The following APOOL variants were observed in gnomAD, a reference collection of about 807,000 sequenced individuals.
The protein encoded by APOOL is apolipoprotein O like.
In APOOL, 12 loss-of-function variants were observed where a neutral mutation model predicts 23.1. The observed-to-expected ratio is 0.52, with a 90% CI of 0.33 to 0.84. The LOEUF (loss-of-function observed/expected upper bound fraction) is 0.84, where lower values mean the gene tolerates loss of function less well. APOOL is among the 40% of genes least tolerant of loss of function. The pLI is 0.02. For synonymous variants in APOOL, 77 were observed against 69.9 expected, an observed-to-expected ratio of 1.10 and a Z score of -0.51; for missense variants, 212 against 199.6, an observed-to-expected ratio of 1.06 and a Z score of -0.37.
intron 8 of APOOL, among the ~76,000 whole-genome samples, chrX:85,078,863 G>T (rs1401123974): frequency 5.4e-5 from 6 of 111,311 alleles, no homozygotes; most frequent in Non-Finnish European, 1.1e-4. Flanking sequence ...TTGTGAATGG[G>T]AATTCACTCA....
intron 1 of APOOL, among the ~76,000 whole-genome samples, chrX:85,029,418 G>A (rs1029443859): frequency 9.0e-6 from 1 of 111,512 alleles, no homozygotes; most frequent in African/African-American, 3.3e-5. Context: ...ACTATGCTAG[G>A]GCTATTTCAA....
At chrX:85,029,039 G>A (rs1477153312) in intron 1 of APOOL, among the ~76,000 whole-genome samples, 1 of 111,621 alleles carries the variant, frequency 9.0e-6, no homozygotes, top group Non-Finnish European at 1.9e-5. Flanking sequence ...TTTCTTCTGG[G>A]TATATATCCA....
At position 85,087,756 on chromosome X, in the gene APOOL, A is replaced by ATCAGTTACCCATT; in HGVS notation, c.*78_*79insTCAGTTACCCATT. The ATCAGTTACCCATT allele has an allele frequency of 1.2e-6, 1 of 864,994 alleles. No homozygotes were observed. The highest frequency in any genetic ancestry group is 1.6e-6 in the Non-Finnish European group (1 of 621,539). The allele number at this position is 864,994 out of a possible 1,213,427, so 71.3% of individuals were successfully genotyped here. On this transcript the variant is annotated 3_prime_UTR_variant, in exon 9 of 9. Coordinates refer to ENST00000373173, the MANE Select transcript of APOOL (RefSeq NM_198450.6). ...AAATAATGATGAAAATAAATCATGT[A>ATCAGTTACCCATT]ATGGGTAACTGATACATAGAGTATT...
chrX:85,073,053 TGAG>T (rs1184716504), intron 6 of APOOL, among the ~76,000 whole-genome samples: 2 of 111,209 alleles, frequency 1.8e-5, no homozygotes, highest in Non-Finnish European at 3.8e-5. Context: ...GAGTAAAAAT[TGAG>T]GAAGGATATA....
intron 8 of APOOL, among the ~76,000 whole-genome samples, chrX:85,082,680 A>G (rs1443507701): frequency 8.9e-6 from 1 of 112,173 alleles, no homozygotes; most frequent in Non-Finnish European, 1.9e-5. Context: ...TGATCTATGT[A>G]TTGTCTACGG....
chrX:85,069,634 A>C (rs1304366748), intron 6 of APOOL, among the ~76,000 whole-genome samples: 1 of 108,392 alleles, frequency 9.2e-6, no homozygotes, highest in Non-Finnish European at 1.9e-5. Flanking sequence ...AAAAAAAAAA[A>C]AAATCTTTCC....
intron 1 of APOOL, among the ~76,000 whole-genome samples, chrX:85,042,094 G>T (rs1016699789): frequency 1.8e-5 from 2 of 111,391 alleles, no homozygotes; most frequent in Admixed American, 9.5e-5. Flanking sequence ...TAGAAGAAAA[G>T]AAATAATAAA....
intron 1 of APOOL, among the ~76,000 whole-genome samples, chrX:85,011,116 A>C (rs961973999): frequency 1.8e-5 from 2 of 111,203 alleles, no homozygotes; most frequent in African/African-American, 6.5e-5. Context: ...GCATTTTTTC[A>C]TATGTTTGTT....
chrX:85,074,773 C>G (rs1229650587), intron 8 of APOOL, among the ~76,000 whole-genome samples: 3 of 110,527 alleles, frequency 2.7e-5, no homozygotes, highest in African/African-American at 9.8e-5. Flanking sequence ...GTGCTATTTA[C>G]CTATCAGTCT....
intron 1 of APOOL, among the ~76,000 whole-genome samples, chrX:85,044,167 A>G (rs1922493563): frequency 9.0e-6 from 1 of 111,218 alleles, no homozygotes; most frequent in African/African-American, 3.3e-5. Context: ...GCTAGTAGTA[A>G]CCATACTGGG....
intron 8 of APOOL, among the ~76,000 whole-genome samples, chrX:85,078,254 A>G (rs1207133968): frequency 1.8e-5 from 2 of 111,823 alleles, no homozygotes; most frequent in African/African-American, 6.5e-5. Context: ...TCCATCTTGA[A>G]TTAATTTTTG....
chrX:85,072,827 AAC>A (rs1433210080), intron 6 of APOOL, among the ~76,000 whole-genome samples: 6 of 112,109 alleles, frequency 5.4e-5, no homozygotes, highest in African/African-American at 1.6e-4. Context: ...TGAAAAGGAA[AAC>A]AAACTAAATA....
chrX:85,084,402 T>C (rs901872417), intron 8 of APOOL, among the ~76,000 whole-genome samples: 3 of 110,467 alleles, frequency 2.7e-5, no homozygotes, highest in Non-Finnish European at 5.7e-5. Context: ...CCCAAAGTGC[T>C]GGGATTACAT....
chrX:85,023,951 G>C (rs1921756080), intron 1 of APOOL, among the ~76,000 whole-genome samples: 1 of 111,828 alleles, frequency 8.9e-6, no homozygotes, highest in Non-Finnish European at 1.9e-5. Flanking sequence ...CCCACCCCAG[G>C]CTTCTTGTTG....
intron 8 of APOOL, among the ~76,000 whole-genome samples, chrX:85,084,027 AC>A (rs915600912): frequency 2.7e-5 from 3 of 111,077 alleles, no homozygotes; most frequent in African/African-American, 9.8e-5. Flanking sequence ...GAGTTTTATG[AC>A]AGCTTATTCT....
In APOOL at chrX:85,050,142, C is replaced by T. The variant is rs144934370; in HGVS notation, c.121-1247C>T. Among the ~76,000 whole-genome samples the T allele has an allele frequency of 3.6e-3, 400 of 111,282 alleles. 2 individuals carry two copies. Among genetic ancestry groups the T allele is most frequent in the African/African-American group, 0.013 (383 of 30,623 alleles). ...AGTCCAGAAAGATAAAACACTAACT[C>T]TTTAATCCTGGTATGGGTAGTAAAG... On this transcript the variant is annotated intron_variant, in intron 2 of 8. Coordinates refer to ENST00000373173, the MANE Select transcript of APOOL (RefSeq NM_198450.6).
Position 85,092,594 on chromosome X carries a change from C to G in APOOL, c.*4916C>G. The G allele has an allele frequency of 8.7e-7, 1 of 1,155,553 alleles. No homozygotes were observed. Among genetic ancestry groups the G allele is most frequent in the Non-Finnish European group, 1.2e-6 (1 of 851,342 alleles). On this transcript the variant is annotated 3_prime_UTR_variant, in exon 9 of 9. Transcript: ENST00000373173. ...AAAACAAACAAGCAAATATTACTTTCATTTGAAAGTATAATCTTCGTTAAC... is the reference window on the plus strand; with the variant it reads ...AAAACAAACAAGCAAATATTACTTTGATTTGAAAGTATAATCTTCGTTAAC...
At chrX:85,078,886 CTGTT>C (rs1274359796) in intron 8 of APOOL, among the ~76,000 whole-genome samples, 4 of 111,337 alleles carry the variant, frequency 3.6e-5, no homozygotes, top group Admixed American at 9.6e-5. Flanking sequence ...ATTTGGCTCT[CTGTT>C]TGTCTGTTAA....
chrX:85,056,271 G>A (rs1922959400), intron 5 of APOOL, among the ~76,000 whole-genome samples: 1 of 110,888 alleles, frequency 9.0e-6, no homozygotes. Context: ...TAAAGTAGCT[G>A]CCAGAATATG....
Sources: allele counts gnomAD v4.1 joint callset (sites outside exome capture counted in the v4.1 genomes callset), GRCh38; gene constraint gnomAD v4.1.1; transcripts MANE v1.5; gene names NCBI Gene and HGNC (gene_info 2026-07-23, HGNC 2026-07-21).